TMEM135: variants seen among roughly 807,000 people sequenced by gnomAD.
TMEM135 encodes peroxisomal membrane protein 52.
In TMEM135, 30 loss-of-function variants were observed where a neutral mutation model predicts 60.3. The ratio of observed to expected loss-of-function variants is 0.50; its 90% CI spans 0.37 to 0.68. The LOEUF (loss-of-function observed/expected upper bound fraction) is 0.68. Ranked by LOEUF, TMEM135 falls within the 30% of genes least tolerant of loss-of-function variation. TMEM135 has a pLI of 0.00. For synonymous variants in TMEM135, 190 were observed against 186.7 expected (o/e 1.02, Z -0.14); for missense variants, 468 against 548.8 (o/e 0.85, Z 1.47).
Position 87,309,550 on chromosome 11 carries a change from C to T in TMEM135, c.814C>T (p.Leu272Phe). 3 of 1,613,844 alleles carry T rather than the reference C, an allele frequency of 1.9e-6. No individual in the cohort carries two copies. The highest frequency in any genetic ancestry group is 1.1e-5 in the South Asian group (1 of 91,066). ...CGTGGGGTACTTGATCCAGTGCTGC[C>T]TCCGAATCCCTTCTGCATTTAGGCA... ...FSVGYLIQCC[L>F]RIPSAFRHLF... The change falls in exon 10 of 15, where the codon CTC becomes TTC. Residue 272 changes from leucine (L) to phenylalanine (F), a missense_variant. By Grantham distance (22) the Leu-to-Phe change is conservative (BLOSUM62 0). Transcript: ENST00000305494.
intron 5 of TMEM135, among the ~76,000 whole-genome samples, chr11:87,201,041 A>G (rs745497738): frequency 2.0e-5 from 3 of 152,198 alleles, no homozygotes; most frequent in Non-Finnish European, 4.4e-5. Context: ...AAGAAAGCTT[A>G]TATATGTTAG....
chr11:87,274,887 A>G lies in TMEM135; in HGVS notation c.510-20895A>G, dbSNP rs562423182. Among the ~76,000 whole-genome samples, 61 of 149,970 alleles carry G rather than the reference A, an allele frequency of 4.1e-4. 1 individual carries two copies. The highest frequency in any genetic ancestry group is 1.5e-3 in the African/African-American group (61 of 41,054). ...ATATATATTTATATATATGTATTAT[A>G]TATAGATAAGATGATTATTAAGTTA... On this transcript the variant is annotated intron_variant, in intron 6 of 14. Transcript: ENST00000305494.
At chr11:87,116,045 G>T (rs1343857301) in intron 4 of TMEM135, among the ~76,000 whole-genome samples, 1 of 151,942 alleles carries the variant, frequency 6.6e-6, no homozygotes, top group Non-Finnish European at 1.5e-5. Flanking sequence ...TAGATTTATA[G>T]AATTACTTTT....
intron 3 of TMEM135, among the ~76,000 whole-genome samples, chr11:87,087,102 G>C (rs1242576549): frequency 6.6e-6 from 1 of 152,114 alleles, no homozygotes; most frequent in Non-Finnish European, 1.5e-5. Flanking sequence ...TTTGGAGTTT[G>C]ATGGCCTGAA....
chr11:87,286,581 G>A lies in TMEM135; in HGVS notation c.510-9201G>A, dbSNP rs534568598. On this transcript the variant is annotated intron_variant, in intron 6 of 14. Coordinates refer to ENST00000305494, the MANE Select transcript of TMEM135 (RefSeq NM_022918.4). The stretch of plus-strand genomic sequence containing the variant: ...GGCCACAGAGCAGGGGGCGGCGCCC[G>A]TCAGAGAGGCTGGGGCTGTGTGGGA... Among the ~76,000 whole-genome samples, 175 of 152,328 alleles carry A rather than the reference G, an allele frequency of 1.1e-3. 1 individual carries two copies. Among genetic ancestry groups the A allele is most frequent in the Middle Eastern group, 0.01 (3 of 294 alleles).
intron 1 of TMEM135, among the ~76,000 whole-genome samples, chr11:87,053,441 G>A (rs897445270): frequency 3.9e-5 from 6 of 152,206 alleles, no homozygotes; most frequent in South Asian, 2.1e-4. Flanking sequence ...TAGATTGATC[G>A]TTTATTTATT....
intron 3 of TMEM135, among the ~76,000 whole-genome samples, chr11:87,073,123 A>G (rs1005237911): frequency 1.3e-5 from 2 of 151,742 alleles, no homozygotes; most frequent in African/African-American, 4.8e-5. Context: ...GAAACCTCCT[A>G]CTCCCTGGTT....
At chr11:87,097,197 A>G (rs1260484731) in intron 4 of TMEM135, among the ~76,000 whole-genome samples, 1 of 152,040 alleles carries the variant, frequency 6.6e-6, no homozygotes, top group Non-Finnish European at 1.5e-5. Flanking sequence ...GGGTTTCACC[A>G]TGTTGGTCAG....
intron 4 of TMEM135, among the ~76,000 whole-genome samples, chr11:87,105,774 T>C (rs1857579718): frequency 6.6e-6 from 1 of 152,262 alleles, no homozygotes. Flanking sequence ...CAGATTTCTG[T>C]AGTGTTGGGA....
chr11:87,261,162 A>C (rs1941644161), intron 6 of TMEM135, among the ~76,000 whole-genome samples: 1 of 152,218 alleles, frequency 6.6e-6, no homozygotes, highest in African/African-American at 2.4e-5. Flanking sequence ...TTCTCAGTTA[A>C]AACAGAAAAT....
At chr11:87,187,588 A>G (rs565130897) in intron 5 of TMEM135, among the ~76,000 whole-genome samples, 1 of 152,332 alleles carries the variant, frequency 6.6e-6, no homozygotes, top group African/African-American at 2.4e-5. Flanking sequence ...TTGTATGGTA[A>G]GATGAGCTGA....
At chr11:87,288,049 A>T (rs996037926) in intron 6 of TMEM135, among the ~76,000 whole-genome samples, 1 of 152,190 alleles carries the variant, frequency 6.6e-6, no homozygotes, top group Admixed American at 6.5e-5. Flanking sequence ...GTAAAAAGTT[A>T]TATTTTCCTG....
intron 6 of TMEM135, among the ~76,000 whole-genome samples, chr11:87,274,954 A>G (rs1462931494): frequency 2.0e-5 from 3 of 151,294 alleles, no homozygotes; most frequent in Non-Finnish European, 4.4e-5. Flanking sequence ...AAGGAGTTCT[A>G]AGAGACATCT....
At chr11:87,086,777 G>A (rs1857105802) in intron 3 of TMEM135, among the ~76,000 whole-genome samples, 1 of 152,220 alleles carries the variant, frequency 6.6e-6, no homozygotes, top group South Asian at 2.1e-4. Context: ...AGGAAGGCAA[G>A]TTCTTAATCT....
chr11:87,307,670 C>G lies in TMEM135; in HGVS notation c.768+1665C>G, dbSNP rs944192054. ...GGCAATTTATGTATACATTGGAATG[C>G]CGTATTATATCCATGAATGTAAAAC... On this transcript the variant is annotated intron_variant, in intron 9 of 14. Transcript: ENST00000305494. Among the ~76,000 whole-genome samples the G allele has an allele frequency of 2.0e-5, 3 of 152,246 alleles. No homozygotes were observed. In the East Asian group the frequency reaches 5.8e-4, roughly 29 times the overall value.
chr11:87,066,779 C>CTTTTTTTTT lies in TMEM135; in HGVS notation c.142-912_142-911insTTTTTTTTT, dbSNP rs201355341. On this transcript the variant is annotated intron_variant, in intron 1 of 14. Coordinates refer to ENST00000305494, the MANE Select transcript of TMEM135 (RefSeq NM_022918.4). ...TACATACTTGTGTTGTTACTAGATT[C>CTTTTTTTTT]TTTCTTTTTTTTTTTTTTTTGAGAC... 5.4e-5 allele frequency among the ~76,000 whole-genome samples: 7 copies of CTTTTTTTTT among 129,178 alleles called. 2 individuals carry two copies. Among genetic ancestry groups the CTTTTTTTTT allele is most frequent in the Non-Finnish European group, 6.5e-5 (4 of 61,804 alleles). 84.7% of individuals were successfully genotyped at this position (129,178 alleles called of 152,430 possible). A position where few individuals can be genotyped will look rare whatever the true frequency, so the allele number is the denominator to read the frequency against.
chr11:87,254,938 G>A (rs1012485536), intron 6 of TMEM135, among the ~76,000 whole-genome samples: 1 of 152,074 alleles, frequency 6.6e-6, no homozygotes, highest in South Asian at 2.1e-4. Flanking sequence ...CCAGGGGTTC[G>A]ATACCAGCTT....
intron 6 of TMEM135, among the ~76,000 whole-genome samples, chr11:87,257,454 TCTTA>T (rs55702934): frequency 0.35 from 53,214 of 151,876 alleles, 9,847 homozygotes; most frequent in Non-Finnish European, 0.42. Flanking sequence ...TCCTTCTCCA[TCTTA>T]CTTGTTTTGT....
intron 5 of TMEM135, among the ~76,000 whole-genome samples, chr11:87,217,645 C>G (rs553723860): frequency 6.6e-6 from 1 of 151,870 alleles, no homozygotes; most frequent in Non-Finnish European, 1.5e-5. Flanking sequence ...GTTAGTTCGG[C>G]GTGGCGGCTC....
Sources: gnomAD v4.1 joint callset for allele counts (sites outside exome capture counted in the v4.1 genomes callset) on GRCh38, gnomAD v4.1.1 for gene constraint, MANE v1.5 for transcripts, NCBI Gene and HGNC (gene_info 2026-07-23, HGNC 2026-07-21) for gene names.